Variants in LRP1B observed in about 807,000 individuals in gnomAD.
LRP1B encodes LDL receptor related protein 1B.
In LRP1B, 217 loss-of-function variants were observed where a neutral mutation model predicts 556.6. The ratio of observed to expected loss-of-function variants is 0.39; its 90% confidence interval spans 0.35 to 0.44. The LOEUF (loss-of-function observed/expected upper bound fraction) is 0.44, where lower values mean the gene tolerates loss of function less well. Ranked by LOEUF, LRP1B falls within the 20% of genes least tolerant of loss-of-function variation. The pLI, the probability that LRP1B is intolerant of heterozygous loss-of-function variation, is 1.00. For synonymous variants in LRP1B, 2,047 were observed against 1,865.8 expected (o/e 1.10, Z -2.50); for missense variants, 5,053 against 5,620.8 (o/e 0.90, Z 3.23).
At chr2:141,048,119 C>T (rs1574019253) in intron 11 of LRP1B, among the ~76,000 whole-genome samples, 1 of 152,026 alleles carries the variant, frequency 6.6e-6, no homozygotes, top group East Asian at 1.9e-4. Context: ...TTATCTCCTG[C>T]GATATAGCTA....
intron 22 of LRP1B, among the ~76,000 whole-genome samples, chr2:140,905,849 T>C (rs1386742000): frequency 1.3e-5 from 2 of 152,168 alleles, no homozygotes; most frequent in Non-Finnish European, 2.9e-5. Context: ...TGACATATTA[T>C]TGTAACAAGG....
intron 3 of LRP1B, among the ~76,000 whole-genome samples, chr2:141,389,535 G>T (rs541751008): frequency 7.2e-5 from 11 of 151,968 alleles, no homozygotes; most frequent in Non-Finnish European, 1.5e-4. Flanking sequence ...AATCATGAAC[G>T]AATATTCATT....
At chr2:141,571,840 G>C (rs1686542463) in intron 2 of LRP1B, among the ~76,000 whole-genome samples, 2 of 152,006 alleles carry the variant, frequency 1.3e-5, no homozygotes, top group African/African-American at 4.8e-5. Context: ...ATAGCCTGAA[G>C]ACCACCTTGC....
intron 2 of LRP1B, among the ~76,000 whole-genome samples, chr2:141,491,572 C>T (rs1216277793): frequency 1.3e-5 from 2 of 152,096 alleles, no homozygotes; most frequent in Admixed American, 6.6e-5. Flanking sequence ...GCAGGGATAA[C>T]TCCCTGGGAG....
At chr2:140,974,691 C>T (rs571567146) in intron 18 of LRP1B, among the ~76,000 whole-genome samples, 4 of 152,264 alleles carry the variant, frequency 2.6e-5, no homozygotes, top group South Asian at 2.1e-4. Context: ...TTCTTTCTTT[C>T]GCCATGGCCC....
intron 2 of LRP1B, among the ~76,000 whole-genome samples, chr2:141,605,560 C>G (rs1163155166): frequency 6.6e-6 from 1 of 152,074 alleles, no homozygotes; most frequent in African/African-American, 2.4e-5. Flanking sequence ...AAGCCAGGTC[C>G]CTTTAAGCAG....
intron 35 of LRP1B, among the ~76,000 whole-genome samples, chr2:140,753,744 G>A (rs1688657766): frequency 6.6e-6 from 1 of 152,028 alleles, no homozygotes; most frequent in South Asian, 2.1e-4. Flanking sequence ...GGACAGGAGT[G>A]GCCAAGAAAC....
intron 43 of LRP1B, among the ~76,000 whole-genome samples, chr2:140,565,358 G>A (rs1681088107): frequency 6.6e-6 from 1 of 151,720 alleles, no homozygotes; most frequent in Admixed American, 6.6e-5. Context: ...ATAATAAAAT[G>A]TTTGAAAATT....
At chr2:141,618,890 A>G (rs757739553) in intron 2 of LRP1B, among the ~76,000 whole-genome samples, 11 of 152,222 alleles carry the variant, frequency 7.2e-5, no homozygotes, top group Non-Finnish European at 1.5e-4. Flanking sequence ...TTCATCTTAC[A>G]TAATTTGAAC....
chr2:142,115,457 CTA>C lies in LRP1B; in HGVS notation c.82+15189_82+15190del, dbSNP rs148369819. ...AAATAAAATATCTGTGAGTCTATAC[CTA>C]TATATATATATTACATACATATAAT... On this transcript the variant is annotated intron_variant, in intron 1 of 90. Coordinates refer to ENST00000389484, the MANE Select transcript of LRP1B (RefSeq NM_018557.3). 1.7e-4 allele frequency among the ~76,000 whole-genome samples: 15 copies of C among 88,348 alleles called. 2 individuals carry two copies. Among genetic ancestry groups the C allele is most frequent in the East Asian group, 3.7e-4 (1 of 2,738 alleles). The allele number at this position is 88,348 out of a possible 152,430, so 58.0% of individuals were successfully genotyped here.
chr2:141,866,091 C>G (rs972383586), intron 1 of LRP1B, among the ~76,000 whole-genome samples: 2 of 152,142 alleles, frequency 1.3e-5, no homozygotes. Flanking sequence ...TTTTAGTGAC[C>G]CCCCAGGGAA....
At chr2:141,011,944 T>C (rs1343434301) in intron 14 of LRP1B, among the ~76,000 whole-genome samples, 1 of 152,010 alleles carries the variant, frequency 6.6e-6, no homozygotes, top group Non-Finnish European at 1.5e-5. Context: ...TACCTCCTAT[T>C]AGAGAAATTG....
At chr2:142,072,108 C>A (rs1705338988) in intron 1 of LRP1B, among the ~76,000 whole-genome samples, 1 of 151,938 alleles carries the variant, frequency 6.6e-6, no homozygotes, top group Non-Finnish European at 1.5e-5. Context: ...TGATCTGTAA[C>A]TGCACAGATC....
chr2:141,078,196 T>C (rs2104876114), intron 7 of LRP1B, among the ~76,000 whole-genome samples: 1 of 152,276 alleles, frequency 6.6e-6, no homozygotes, highest in Non-Finnish European at 1.5e-5. Context: ...TCTAAATAAA[T>C]TGTATTATCT....
intron 80 of LRP1B, among the ~76,000 whole-genome samples, chr2:140,324,413 G>T (rs1055307070): frequency 2.0e-5 from 3 of 151,940 alleles, no homozygotes; most frequent in Non-Finnish European, 4.4e-5. Flanking sequence ...ATACAAACAG[G>T]CAATTTACAC....
chr2:141,270,274 C>A (rs552979554), intron 3 of LRP1B, among the ~76,000 whole-genome samples: 1 of 152,162 alleles, frequency 6.6e-6, no homozygotes, highest in South Asian at 2.1e-4. Context: ...CAAAACTAAA[C>A]ACACAAACAA....
At chr2:141,544,101 T>C (rs1036027463) in intron 2 of LRP1B, among the ~76,000 whole-genome samples, 7 of 152,132 alleles carry the variant, frequency 4.6e-5, no homozygotes, top group South Asian at 2.1e-4. Flanking sequence ...CACATTTCCA[T>C]TGATTCTCTA....
rs534945118 is a variant in LRP1B at position 141,609,111 on chromosome 2, C to T, written c.206-128578G>A. On this transcript the variant is annotated intron_variant, in intron 2 of 90. Coordinates refer to ENST00000389484, the MANE Select transcript of LRP1B (RefSeq NM_018557.3). ...AACATTTTTAAAAATCCACTAATAT[C>T]TTACGTCAACAATGGACCATCAACA... Among the ~76,000 whole-genome samples the T allele has an allele frequency of 2.0e-5, 3 of 152,128 alleles. No individual in the cohort carries two copies. In the South Asian group the frequency reaches 6.2e-4, roughly 32 times the overall value.
chr2:141,829,182 C>T (rs190252157), intron 1 of LRP1B, among the ~76,000 whole-genome samples: 11 of 152,138 alleles, frequency 7.2e-5, no homozygotes, highest in Admixed American at 2.0e-4. Context: ...TCTGAGTTAA[C>T]AAGACAGTTT....
Sources: gnomAD v4.1 joint callset for allele counts (sites outside exome capture counted in the v4.1 genomes callset) on GRCh38, gnomAD v4.1.1 for gene constraint, MANE v1.5 for transcripts, NCBI Gene and HGNC (gene_info 2026-07-23, HGNC 2026-07-21) for gene names.